The following JAK1 variants were observed in gnomAD, a reference collection of about 807,000 sequenced individuals.
JAK1 encodes tyrosine-protein kinase JAK1.
A neutral mutation model predicts 136.6 loss-of-function variants in JAK1; 16 were observed. The observed-to-expected ratio is 0.12, with a 90% CI of 0.08 to 0.18. The LOEUF is 0.18. JAK1 is among the 10% of genes least tolerant of loss of function. The pLI, the probability that JAK1 is intolerant of heterozygous loss-of-function variation, is 1.00. For synonymous variants in JAK1, 492 were observed against 519.5 expected (o/e 0.95, Z 0.72); for missense variants, 859 against 1,450.1 (o/e 0.59, Z 6.62).
chr1:64,942,188 T>C (rs1270246402), intron 1 of JAK1: 1 of 152,176 alleles, frequency 6.6e-6, no homozygotes, highest in Non-Finnish European at 1.5e-5. Context: ...AGAGGACACA[T>C]GGATCTGAAT....
chr1:64,989,002 G>GTA (rs57569640), intron 2 of JAK1, among the ~76,000 whole-genome samples: 40,615 of 128,510 alleles, frequency 0.32, 6,851 homozygotes, highest in Non-Finnish European at 0.41. Flanking sequence ...GTGTGTGTGT[G>GTA]TATATATATA....
chr1:65,016,230 T>C (rs1215758140), intron 2 of JAK1, among the ~76,000 whole-genome samples: 1 of 152,128 alleles, frequency 6.6e-6, no homozygotes, highest in African/African-American at 2.4e-5. Context: ...GTTACTGAGT[T>C]TCAGTTTGGG....
intron 14 of JAK1, among the ~76,000 whole-genome samples, chr1:64,846,219 GT>G (rs1463944064): frequency 6.6e-6 from 1 of 152,136 alleles, no homozygotes; most frequent in Non-Finnish European, 1.5e-5. Flanking sequence ...CACCGGCTCA[GT>G]GGCTTGACAA....
At chr1:64,967,663 T>A (rs565710648), upstream of JAK1, among the ~76,000 whole-genome samples, 1 of 152,294 alleles carries the variant, frequency 6.6e-6, no homozygotes, top group Non-Finnish European at 1.5e-5. Flanking sequence ...GGGTGTGGAA[T>A]AAAGTCAAGC....
intron 11 of JAK1, 63 bp downstream of exon 11, chr1:64,855,446 T>A (rs1655864405): frequency 3.9e-5 from 59 of 1,494,636 alleles, no homozygotes; most frequent in Non-Finnish European, 4.5e-5. Context: ...CGTGTTTTGG[T>A]CGATCTGGGT....
rs933202400 is a variant in JAK1 at position 64,985,403 on chromosome 1, G to GC, written c.-78+59076dup. 211 of 1,610,438 alleles carry GC rather than the reference G, an allele frequency of 1.3e-4. No homozygotes were observed. In the African/African-American group the frequency reaches 2.2e-3, roughly 17 times the overall value. ...GGATGTCTTGGGATACATCCTGGGT[G>GC]CCCCACAACCACTGGAGGATCTCCT... On this transcript the variant is annotated intron_variant, in intron 2 of 25. Transcript: ENST00000671954.
At chr1:64,860,862 TG>T (rs1445287824) in intron 8 of JAK1, among the ~76,000 whole-genome samples, 1 of 79,892 alleles carries the variant, frequency 1.3e-5, no homozygotes, top group Non-Finnish European at 2.6e-5. Flanking sequence ...GTGTGTGTGT[TG>T]GGGGTGACGC....
intron 1 of JAK1, among the ~76,000 whole-genome samples, chr1:64,897,473 GA>G (rs1379535621): frequency 3.5e-3 from 32 of 9,080 alleles, no homozygotes; most frequent in South Asian, 0.017. Context: ...GAGGGAGGAG[GA>G]GGGGGGGAGG....
intron 2 of JAK1, among the ~76,000 whole-genome samples, chr1:65,010,195 T>A (rs1267432664): frequency 1.3e-5 from 2 of 152,196 alleles, no homozygotes; most frequent in African/African-American, 4.8e-5. Flanking sequence ...AGTGACTCAC[T>A]TCTAATGGAT....
chr1:65,031,650 A>G (rs1647024493), intron 2 of JAK1, among the ~76,000 whole-genome samples: 1 of 152,200 alleles, frequency 6.6e-6, no homozygotes. Flanking sequence ...TTCTTGTTTT[A>G]ATCATTTTGC....
chr1:64,999,792 G>C (rs1415927877), intron 2 of JAK1, among the ~76,000 whole-genome samples: 2 of 151,592 alleles, frequency 1.3e-5, no homozygotes, highest in Non-Finnish European at 2.9e-5. Flanking sequence ...AAACTGGGTG[G>C]GCACCTGGCT....
chr1:64,962,181 T>C (rs1025800001), intron 1 of JAK1, among the ~76,000 whole-genome samples: 1 of 152,356 alleles, frequency 6.6e-6, no homozygotes, highest in Non-Finnish European at 1.5e-5. Context: ...TTGTACCTGT[T>C]TTGTTGTCTG....
intron 1 of JAK1, among the ~76,000 whole-genome samples, chr1:64,888,902 A>G (rs1371838203): frequency 7.9e-5 from 12 of 152,236 alleles, no homozygotes; most frequent in African/African-American, 2.2e-4. Context: ...TGCCATTCTG[A>G]TGATAAAAAT....
At chr1:64,940,652 T>TTTC (rs1163151980) in intron 1 of JAK1, among the ~76,000 whole-genome samples, 8 of 152,126 alleles carry the variant, frequency 5.3e-5, no homozygotes, top group Non-Finnish European at 1.5e-5. Context: ...GAAAATGAGG[T>TTTC]TAAGACGGGT....
chr1:64,856,633 T>A (rs903901216), intron 10 of JAK1, among the ~76,000 whole-genome samples: 1 of 152,194 alleles, frequency 6.6e-6, no homozygotes, highest in Non-Finnish European at 1.5e-5. Context: ...CACATTAAAC[T>A]TCCTCCAATG....
chr1:64,898,956 T>C (rs1016806732), intron 1 of JAK1, among the ~76,000 whole-genome samples: 1 of 152,360 alleles, frequency 6.6e-6, no homozygotes, highest in South Asian at 2.1e-4. Context: ...TCTGCCTTTT[T>C]AGTCTTTCTC....
intron 1 of JAK1, among the ~76,000 whole-genome samples, chr1:65,049,694 TAA>T (rs2100855395): frequency 6.6e-6 from 1 of 152,128 alleles, no homozygotes; most frequent in African/African-American, 2.4e-5. Context: ...CAAAAAAGCT[TAA>T]GTTCCAAGCC....
In JAK1 at chr1:64,857,686, G is replaced by T. The variant is rs1023629280; in HGVS notation, c.1428C>A (p.Leu476=). ...ACTTCTCAAAGCAGGTGACGGTCAT[G>T]AGGATGTTGTCAAAGTCGGTGCAGC... ...RWSCTDFDNI[L]MTVTCFEKSE... is the part of the protein sequence containing the mutation. Residue 476 remains leucine, a synonymous_variant, in exon 10 of 25, where the codon CTC becomes CTA. Transcript: ENST00000342505. 9.3e-6 allele frequency: 15 copies of T among 1,614,092 alleles called. No individual in the cohort carries two copies. Among genetic ancestry groups the T allele is most frequent in the Non-Finnish European group, 1.2e-5 (14 of 1,180,044 alleles).
At chr1:65,058,108 T>C (rs971200861) in intron 1 of JAK1, among the ~76,000 whole-genome samples, 3 of 152,180 alleles carry the variant, frequency 2.0e-5, no homozygotes, top group Non-Finnish European at 2.9e-5. Flanking sequence ...TCTAATTAGG[T>C]TACCTTTCAC....
Sources: gnomAD v4.1 joint callset for allele counts (sites outside exome capture counted in the v4.1 genomes callset) on GRCh38, gnomAD v4.1.1 for gene constraint, MANE v1.5 for transcripts, NCBI Gene and HGNC (gene_info 2026-07-23, HGNC 2026-07-21) for gene names.